Variants in PPP1R8 observed in about 807,000 individuals in gnomAD.
PPP1R8 encodes nuclear inhibitor of protein phosphatase 1.
Under a neutral mutation model 31.3 loss-of-function variants are expected in PPP1R8, and 4 were observed. The ratio of observed to expected loss-of-function variants is 0.13; its 90% CI spans 0.06 to 0.29. The LOEUF (loss-of-function observed/expected upper bound fraction) is 0.29, where lower values mean the gene tolerates loss of function less well. Ranked by LOEUF, PPP1R8 falls within the 10% of genes least tolerant of loss-of-function variation. The pLI, the probability that PPP1R8 is intolerant of heterozygous loss-of-function variation, is 1.00. For synonymous variants in PPP1R8, 170 were observed against 169.7 expected (o/e 1.00, Z -0.01); for missense variants, 254 against 440.1 (o/e 0.58, Z 3.78).
At chr1:27,830,992 C>T (rs1486283747) in intron 1 of PPP1R8, 101 bp downstream of exon 1, 3 of 1,443,522 alleles carry the variant, frequency 2.1e-6, no homozygotes, top group Admixed American at 2.9e-5. Context: ...CCGAACGGCT[C>T]AGAAACCCCG....
chr1:27,834,509 A>G (rs532897484), intron 2 of PPP1R8: 2 of 518,976 alleles, frequency 3.9e-6, no homozygotes, highest in Non-Finnish European at 7.7e-6. Flanking sequence ...AAAAGCCATG[A>G]GTCTTTTAAG....
At chr1:27,839,686 T>A (rs2089204385) in intron 3 of PPP1R8, among the ~76,000 whole-genome samples, 1 of 152,208 alleles carries the variant, frequency 6.6e-6, no homozygotes, top group African/African-American at 2.4e-5. Flanking sequence ...TAAGAATGAT[T>A]GTCTTGAGGA....
At chr1:27,833,339 C>T (rs1348509968) in intron 2 of PPP1R8, among the ~76,000 whole-genome samples, 1 of 152,128 alleles carries the variant, frequency 6.6e-6, no homozygotes, top group Non-Finnish European at 1.5e-5. Context: ...AGTTACTGTG[C>T]TTGGCATACA....
intron 3 of PPP1R8, among the ~76,000 whole-genome samples, chr1:27,839,261 C>T (rs2089199498): frequency 6.6e-6 from 1 of 152,164 alleles, no homozygotes; most frequent in Admixed American, 6.5e-5. Flanking sequence ...GGTGCAGTGG[C>T]TCACTCCTGT....
chr1:27,846,281 A>G (rs2089279673), intron 5 of PPP1R8, among the ~76,000 whole-genome samples: 1 of 152,242 alleles, frequency 6.6e-6, no homozygotes, highest in Non-Finnish European at 1.5e-5. Context: ...AAACTCCACC[A>G]TCCTTGGTGA....
At chr1:27,847,399 CAG>C (rs1346997623) in intron 6 of PPP1R8, among the ~76,000 whole-genome samples, 1 of 151,216 alleles carries the variant, frequency 6.6e-6, no homozygotes, top group African/African-American at 2.4e-5. Context: ...CCCAGCTACT[CAG>C]GAGGCTGAGG....
intron 2 of PPP1R8, among the ~76,000 whole-genome samples, chr1:27,838,134 G>A (rs181752534): frequency 4.5e-4 from 67 of 149,528 alleles, no homozygotes; most frequent in African/African-American, 1.4e-3. Context: ...TTGCTTGAAC[G>A]CAGGAGTTGG....
intron 3 of PPP1R8, among the ~76,000 whole-genome samples, chr1:27,840,488 C>G (rs933327414): frequency 6.6e-6 from 1 of 152,216 alleles, no homozygotes; most frequent in Admixed American, 6.5e-5. Flanking sequence ...CAGCCAAGCT[C>G]TTTCTTGTCC....
intron 1 of PPP1R8, chr1:27,831,375 G>C (rs1571542323): frequency 1.0e-6 from 1 of 986,840 alleles, no homozygotes; most frequent in Non-Finnish European, 1.2e-6. Flanking sequence ...GGGTAGGTTA[G>C]CGCCATCCCT....
chr1:27,843,888 G>A (rs897351374), intron 5 of PPP1R8, among the ~76,000 whole-genome samples: 3 of 152,120 alleles, frequency 2.0e-5, no homozygotes, highest in South Asian at 2.1e-4. Context: ...GGGAGGCAGA[G>A]GTTGCAGTGA....
intron 6 of PPP1R8, 83 bp from the exon 7 acceptor site, chr1:27,850,010 G>A: frequency 7.6e-7 from 1 of 1,307,408 alleles, no homozygotes; most frequent in Non-Finnish European, 1.0e-6. Context: ...TTTAAGGCTG[G>A]AATAGAAAAA....
At position 27,850,909 on chromosome 1, in the gene PPP1R8, A is replaced by C. The variant is rs567814045; in HGVS notation, c.*463A>C. On this transcript the variant is annotated 3_prime_UTR_variant, in exon 7 of 7. Coordinates refer to ENST00000311772, the MANE Select transcript of PPP1R8 (RefSeq NM_014110.5). The stretch of plus-strand genomic sequence containing the variant: ...CATAGATCTCAGTTTGATCAAAAAG[A>C]AGGCTTAGAATTCTGCAGTTAAGCT... The C allele has an allele frequency of 2.6e-5, 4 of 155,554 alleles. No individual in the cohort carries two copies. Among genetic ancestry groups the C allele is most frequent in the African/African-American group, 9.6e-5 (4 of 41,606 alleles). The allele number at this position is 155,554 out of a possible 1,614,324, so 9.6% of individuals were successfully genotyped here.
intron 4 of PPP1R8, 89 bp from the exon 5 acceptor site, chr1:27,843,097 A>G (rs1488487102): frequency 6.6e-7 from 1 of 1,512,698 alleles, no homozygotes; most frequent in African/African-American, 1.4e-5. Context: ...TTAGCCCCTC[A>G]TGCCTTCCTC....
chr1:27,838,189 T>C lies in PPP1R8; in HGVS notation c.118-510T>C, dbSNP rs527935577. 4.7e-5 allele frequency among the ~76,000 whole-genome samples: 6 copies of C among 127,168 alleles called. No homozygotes were observed. In the South Asian group the frequency reaches 1.2e-3, roughly 25 times the overall value. The allele number at this position is 127,168 out of a possible 152,430, so 83.4% of individuals were successfully genotyped here. Reference sequence around the variant, plus strand: ...TTGCACCATTGCACTCCAACCTGGGTGACAGGGTGGGACTCCATCTCAAAA... The same window carrying C: ...TTGCACCATTGCACTCCAACCTGGGCGACAGGGTGGGACTCCATCTCAAAA... On this transcript the variant is annotated intron_variant, in intron 2 of 6. Coordinates refer to ENST00000311772, the MANE Select transcript of PPP1R8 (RefSeq NM_014110.5).
At chr1:27,845,790 T>C (rs1436339849) in intron 5 of PPP1R8, among the ~76,000 whole-genome samples, 1 of 129,394 alleles carries the variant, frequency 7.7e-6, no homozygotes, top group Admixed American at 7.3e-5. Flanking sequence ...TTTCTTTTTT[T>C]TTTTTTTTTT....
At chr1:27,841,383 A>G (rs534141184) in intron 4 of PPP1R8, 149 bp downstream of exon 4, 8 of 761,974 alleles carry the variant, frequency 1.0e-5, no homozygotes, top group Admixed American at 8.6e-5. Context: ...TGGTGTGGCC[A>G]GCTGTGACAG....
chr1:27,835,950 C>T (rs1340784497), intron 2 of PPP1R8, among the ~76,000 whole-genome samples: 4 of 152,182 alleles, frequency 2.6e-5, no homozygotes, highest in African/African-American at 9.7e-5. Context: ...GGCATAGAAG[C>T]GCCTAGCAGT....
intron 4 of PPP1R8, 34 bp downstream of exon 4, chr1:27,841,268 G>T: frequency 6.2e-7 from 1 of 1,608,576 alleles, no homozygotes; most frequent in South Asian, 1.1e-5. Context: ...TTTTGTCTTT[G>T]GGGACCCTGG....
rs1359148887 is a variant in PPP1R8 at position 27,850,162 on chromosome 1, G to A, written c.772G>A (p.Ala258Thr). Residue 258 changes from alanine (A) to threonine (T), a missense_variant, in exon 7 of 7, where the codon GCC becomes ACC. By Grantham distance (58) the Ala-to-Thr change is moderately conservative. Coordinates refer to ENST00000311772, the MANE Select transcript of PPP1R8 (RefSeq NM_014110.5). ...AGGGAGCAGGCGCATGCAGAACTTT[G>A]CCTTCAGCGGAGGACTCTACGGGGG... Reference protein sequence around the residue: ...ESGSRRMQNFAFSGGLYGGLP... With the variant: ...ESGSRRMQNFTFSGGLYGGLP... 11 of 1,613,298 alleles carry A rather than the reference G, an allele frequency of 6.8e-6. No individual in the cohort carries two copies. The highest frequency in any genetic ancestry group is 8.5e-6 in the Non-Finnish European group (10 of 1,179,642).
Sources: gnomAD v4.1 joint callset for allele counts (sites outside exome capture counted in the v4.1 genomes callset) on GRCh38, gnomAD v4.1.1 for gene constraint, MANE v1.5 for transcripts, NCBI Gene and HGNC (gene_info 2026-07-23, HGNC 2026-07-21) for gene names.